The following TMEM108 variants were observed in gnomAD, a reference collection of about 807,000 sequenced individuals.
The protein encoded by TMEM108 is cancer/testis antigen 124.
In TMEM108, 12 loss-of-function variants were observed where a neutral mutation model predicts 35.1. The observed-to-expected ratio is 0.34, with a 90% CI of 0.22 to 0.55. The LOEUF is 0.55. Ranked by LOEUF, TMEM108 falls within the 20% of genes least tolerant of loss-of-function variation. The pLI, the probability that TMEM108 is intolerant of heterozygous loss-of-function variation, is 0.89. For synonymous variants in TMEM108, 287 were observed against 308.6 expected, an observed-to-expected ratio of 0.93 and a Z score of 0.73; for missense variants, 680 against 753.3, an observed-to-expected ratio of 0.90 and a Z score of 1.14.
intron 3 of TMEM108, among the ~76,000 whole-genome samples, chr3:133,282,018 A>G (rs536697506): frequency 1.4e-4 from 21 of 152,270 alleles, no homozygotes; most frequent in South Asian, 8.3e-4. Flanking sequence ...TTAGCTGGGC[A>G]TGGTGGCAGG....
intron 2 of TMEM108, among the ~76,000 whole-genome samples, chr3:133,100,024 C>T (rs1210574568): frequency 6.6e-6 from 1 of 152,172 alleles, no homozygotes; most frequent in Non-Finnish European, 1.5e-5. Context: ...CTGATAAAGA[C>T]ATACCCAAAA....
Position 133,374,712 on chromosome 3 carries a change from C to G in TMEM108, c.41-5040C>G, listed in dbSNP as rs558106306. Among the ~76,000 whole-genome samples the G allele has an allele frequency of 2.4e-4, 36 of 152,082 alleles. No individual in the cohort carries two copies. The South Asian group carries it at 7.1e-3, about 30-fold the overall frequency. ...CTTTTATTGTACTACTACAAGCTCCCCCGGTTACTTGCAAAATGAATTTAA... is the reference window on the plus strand; with the variant it reads ...CTTTTATTGTACTACTACAAGCTCCGCCGGTTACTTGCAAAATGAATTTAA... On this transcript the variant is annotated intron_variant, in intron 3 of 5. Coordinates refer to ENST00000321871, the MANE Select transcript of TMEM108 (RefSeq NM_023943.4).
intron 3 of TMEM108, among the ~76,000 whole-genome samples, chr3:133,297,175 G>A (rs1947157606): frequency 6.6e-6 from 1 of 152,164 alleles, no homozygotes; most frequent in African/African-American, 2.4e-5. Context: ...TTGTGTCTTC[G>A]CTGTAGTTGC....
chr3:133,331,953 G>C (rs2071398457), intron 3 of TMEM108, among the ~76,000 whole-genome samples: 1 of 152,218 alleles, frequency 6.6e-6, no homozygotes, highest in South Asian at 2.1e-4. Flanking sequence ...TGAACGTATA[G>C]ACCATAGTCA....
intron 3 of TMEM108, among the ~76,000 whole-genome samples, chr3:133,312,618 C>G (rs1371769426): frequency 6.6e-6 from 1 of 152,242 alleles, no homozygotes; most frequent in Non-Finnish European, 1.5e-5. Context: ...TCCTGTTTTT[C>G]CAGGTACAGT....
intron 2 of TMEM108, among the ~76,000 whole-genome samples, chr3:133,219,457 C>A (rs1164341130): frequency 2.0e-5 from 3 of 151,650 alleles, no homozygotes; most frequent in African/African-American, 7.3e-5. Context: ...TTGAAATATT[C>A]TTTTTTGATG....
intron 3 of TMEM108, among the ~76,000 whole-genome samples, chr3:133,367,470 A>G (rs1258139916): frequency 6.6e-6 from 1 of 152,256 alleles, no homozygotes; most frequent in Non-Finnish European, 1.5e-5. Context: ...CAAAACTCAA[A>G]TTACACCTTG....
intron 2 of TMEM108, among the ~76,000 whole-genome samples, chr3:133,114,609 T>A (rs1944265609): frequency 6.6e-6 from 1 of 152,102 alleles, no homozygotes; most frequent in African/African-American, 2.4e-5. Flanking sequence ...TTTGATTCCC[T>A]GCCTCCTGCC....
intron 2 of TMEM108, among the ~76,000 whole-genome samples, chr3:133,215,421 A>G (rs979408236): frequency 6.6e-6 from 1 of 151,844 alleles, no homozygotes; most frequent in African/African-American, 2.4e-5. Context: ...GTTTCCAGTA[A>G]AGAGCTGAAA....
chr3:133,216,580 A>G lies in TMEM108; in HGVS notation c.-46-12686A>G, dbSNP rs74726247. ...CCTAACTGAAACTTTGTATCCTTCA[A>G]ATAACGTCTCCCCAACTCCCTCTCC... On this transcript the variant is annotated intron_variant, in intron 2 of 5. Transcript: ENST00000321871. 9.3e-3 allele frequency among the ~76,000 whole-genome samples: 1,415 copies of G among 152,250 alleles called. 19 individuals carry two copies. Among genetic ancestry groups the G allele is most frequent in the African/African-American group, 0.032 (1,341 of 41,576 alleles).
In TMEM108 at chr3:133,122,107, C is replaced by T. The variant is rs79828074; in HGVS notation, c.-47+76087C>T. ...TTTTTTAATTCTTGTTGTATATGTA[C>T]GGTGCTTCTGGGGCTTATGATTTCT... On this transcript the variant is annotated intron_variant, in intron 2 of 5. Transcript: ENST00000321871. 3.1e-3 allele frequency among the ~76,000 whole-genome samples: 475 copies of T among 151,888 alleles called. 4 individuals carry two copies. Among genetic ancestry groups the T allele is most frequent in the African/African-American group, 0.011 (458 of 41,422 alleles).
chr3:133,260,980 T>C (rs946823390), intron 3 of TMEM108, among the ~76,000 whole-genome samples: 3 of 152,134 alleles, frequency 2.0e-5, no homozygotes, highest in East Asian at 1.9e-4. Context: ...CCTAACCAGA[T>C]AGGTTTTAGG....
Position 133,272,967 on chromosome 3 carries a change from C to T in TMEM108, c.40+43616C>T, listed in dbSNP as rs1224221393. ...CCCAGCCCCAGATGTCAACAGCGTC[C>T]GCATTGATAACCATGAAAAGAGCCC... On this transcript the variant is annotated intron_variant, in intron 3 of 5. Transcript: ENST00000321871. Among the ~76,000 whole-genome samples the T allele has an allele frequency of 2.6e-5, 4 of 152,210 alleles. 1 individual carries two copies. The highest frequency in any genetic ancestry group is 1.3e-4 in the Admixed American group (2 of 15,300).
chr3:133,090,867 A>T (rs1000756473), intron 2 of TMEM108, among the ~76,000 whole-genome samples: 22 of 152,196 alleles, frequency 1.4e-4, no homozygotes, highest in African/African-American at 5.1e-4. Flanking sequence ...GTATTCTATT[A>T]TATGGAGCTC....
chr3:133,259,523 G>A (rs1179603356), intron 3 of TMEM108, among the ~76,000 whole-genome samples: 1 of 152,186 alleles, frequency 6.6e-6, no homozygotes, highest in East Asian at 1.9e-4. Context: ...GACTCAATAA[G>A]GTTAAATAAT....
intron 3 of TMEM108, among the ~76,000 whole-genome samples, chr3:133,325,743 A>T (rs1392448600): frequency 1.3e-5 from 2 of 149,958 alleles, no homozygotes; most frequent in East Asian, 3.9e-4. Flanking sequence ...AATAAAATAA[A>T]AATAAAAAAT....
At chr3:133,124,435 T>G (rs959859561) in intron 2 of TMEM108, among the ~76,000 whole-genome samples, 7 of 152,212 alleles carry the variant, frequency 4.6e-5, no homozygotes, top group Admixed American at 3.9e-4. Flanking sequence ...CGGCTGGAGT[T>G]AGCCTAGGGT....
chr3:133,292,815 C>T (rs1455388933), intron 3 of TMEM108, among the ~76,000 whole-genome samples: 2 of 152,158 alleles, frequency 1.3e-5, no homozygotes, highest in South Asian at 2.1e-4. Flanking sequence ...GAGCTCTGGG[C>T]TTGAGATAGA....
chr3:133,236,464 T>C (rs769302031), intron 3 of TMEM108, among the ~76,000 whole-genome samples: 2 of 152,106 alleles, frequency 1.3e-5, no homozygotes, highest in African/African-American at 4.8e-5. Context: ...ATTTGAATTA[T>C]ATGTATGTAT....
Sources: allele counts gnomAD v4.1 joint callset (sites outside exome capture counted in the v4.1 genomes callset), GRCh38; gene constraint gnomAD v4.1.1; transcripts MANE v1.5; gene names NCBI Gene and HGNC (gene_info 2026-07-23, HGNC 2026-07-21).